MICU2: variants seen among roughly 807,000 people sequenced by gnomAD.
MICU2 encodes calcium uptake protein 2, mitochondrial.
A neutral mutation model predicts 60.4 loss-of-function variants in MICU2; 64 were observed. The observed-to-expected ratio is 1.06, with a 90% CI of 0.87 to 1.31. The LOEUF (loss-of-function observed/expected upper bound fraction) is 1.31. Among genes scored for constraint, MICU2 ranks in the 50% most tolerant of loss-of-function variants. The probability of loss-of-function intolerance (pLI) is 0.00; values close to 1 mark genes in which losing one functional copy is unlikely to be tolerated. For missense variants in MICU2, 569 were observed against 531.0 expected (o/e 1.07, Z -0.70); for synonymous variants, 201 against 175.0 (o/e 1.15, Z -1.17).
intron 9 of MICU2, among the ~76,000 whole-genome samples, chr13:21,500,823 T>C (rs1886133637): frequency 6.6e-6 from 1 of 152,184 alleles, no homozygotes; most frequent in African/African-American, 2.4e-5. Flanking sequence ...TGACTCTCAT[T>C]ATAATTTTTG....
intron 1 of MICU2, among the ~76,000 whole-genome samples, chr13:21,575,422 A>G (rs1186375688): frequency 3.2e-5 from 2 of 62,276 alleles, no homozygotes; most frequent in East Asian, 9.2e-4. Flanking sequence ...TCGAATGATT[A>G]AAAAAAAAAA....
chr13:21,586,101 T>C (rs1393789903), intron 1 of MICU2, among the ~76,000 whole-genome samples: 2 of 152,204 alleles, frequency 1.3e-5, no homozygotes, highest in African/African-American at 2.4e-5. Flanking sequence ...ATATTTATCA[T>C]AATTGTTGCA....
intron 7 of MICU2, among the ~76,000 whole-genome samples, chr13:21,510,333 T>A (rs1390142001): frequency 6.6e-6 from 1 of 152,194 alleles, no homozygotes; most frequent in African/African-American, 2.4e-5. Context: ...ATACTCAAGG[T>A]GGACTTCAGC....
chr13:21,603,849 G>A (rs1888885851), intron 1 of MICU2, 90 bp downstream of exon 1: 7 of 1,420,678 alleles, frequency 4.9e-6, no homozygotes, highest in South Asian at 2.5e-5. Context: ...GGCTCCGGGA[G>A]AGCCGCCCAG....
chr13:21,530,616 G>A (rs926058012), intron 4 of MICU2: 2 of 263,380 alleles, frequency 7.6e-6, no homozygotes, highest in African/African-American at 2.3e-5. Context: ...CTCCTTGATA[G>A]TTAGAAAGAT....
chr13:21,537,099 A>G (rs554329693), intron 4 of MICU2, among the ~76,000 whole-genome samples: 5 of 151,864 alleles, frequency 3.3e-5, no homozygotes, highest in Non-Finnish European at 5.9e-5. Context: ...TGAAAAGGGG[A>G]TTTTTTTCCC....
chr13:21,568,278 T>G (rs1888029580), intron 1 of MICU2, among the ~76,000 whole-genome samples: 1 of 152,170 alleles, frequency 6.6e-6, no homozygotes, highest in South Asian at 2.1e-4. Flanking sequence ...ATTAATTCTC[T>G]CTCTTAATTA....
At chr13:21,518,803 C>T (rs1338981842) in intron 6 of MICU2, among the ~76,000 whole-genome samples, 1 of 152,128 alleles carries the variant, frequency 6.6e-6, no homozygotes, top group African/African-American at 2.4e-5. Context: ...ATTTCAGGTC[C>T]CACTTGTGCA....
chr13:21,600,617 A>G (rs2138080564), intron 1 of MICU2, among the ~76,000 whole-genome samples: 1 of 152,264 alleles, frequency 6.6e-6, no homozygotes, highest in African/African-American at 2.4e-5. Flanking sequence ...GAAGGTTCCA[A>G]TTTATCTACT....
chr13:21,567,639 G>T (rs1888016787), intron 1 of MICU2, among the ~76,000 whole-genome samples: 1 of 152,218 alleles, frequency 6.6e-6, no homozygotes, highest in African/African-American at 2.4e-5. Context: ...TATGGTGGAA[G>T]AGTCTGCACC....
At chr13:21,530,925 T>C in intron 4 of MICU2, 1 of 762,538 alleles carries the variant, frequency 1.3e-6, no homozygotes, top group South Asian at 1.4e-5. Context: ...TGCTGCAGAA[T>C]GTTGGCCCCA....
At chr13:21,542,482 A>T (rs1001898080) in intron 2 of MICU2, among the ~76,000 whole-genome samples, 1 of 152,158 alleles carries the variant, frequency 6.6e-6, no homozygotes, top group Admixed American at 6.6e-5. Flanking sequence ...CTATTTCCAC[A>T]TTCACACAAA....
intron 4 of MICU2, among the ~76,000 whole-genome samples, chr13:21,525,372 T>C (rs193011670): frequency 2.6e-4 from 40 of 151,846 alleles, no homozygotes; most frequent in Non-Finnish European, 4.7e-4. Flanking sequence ...TTTTGTATTT[T>C]TAGTAGAGAC....
At chr13:21,497,058 T>C (rs1192503101) in intron 9 of MICU2, among the ~76,000 whole-genome samples, 2 of 151,134 alleles carry the variant, frequency 1.3e-5, no homozygotes, top group African/African-American at 4.9e-5. Context: ...CGAGACTCTG[T>C]CTCAAAAAAT....
chr13:21,543,228 C>G (rs1228141073), intron 2 of MICU2, among the ~76,000 whole-genome samples: 2 of 152,160 alleles, frequency 1.3e-5, no homozygotes, highest in Non-Finnish European at 2.9e-5. Flanking sequence ...CAGCTAACAT[C>G]ATACTACAAG....
chr13:21,568,489 C>T (rs867187270), intron 1 of MICU2, among the ~76,000 whole-genome samples: 10 of 152,230 alleles, frequency 6.6e-5, no homozygotes, highest in South Asian at 2.1e-4. Context: ...TAAGTCCACA[C>T]TTACCATCCC....
At chr13:21,515,377 C>A (rs560545708) in intron 6 of MICU2, among the ~76,000 whole-genome samples, 3 of 152,142 alleles carry the variant, frequency 2.0e-5, no homozygotes, top group Non-Finnish European at 4.4e-5. Flanking sequence ...CCACTGTGCC[C>A]GGCCTATAGT....
rs371772334 is a variant in MICU2 at position 21,554,191 on chromosome 13, A to G, written c.358+12606T>C. Among the ~76,000 whole-genome samples the G allele has an allele frequency of 5.3e-5, 8 of 152,322 alleles. No homozygotes were observed. The South Asian group carries it at 1.0e-3, about 20-fold the overall frequency. Reference sequence around the variant, plus strand: ...TCTGCACCAAGCGGACCTAATAGACATCTACAGAACTCTCCACCCCAAATC... The same window carrying G: ...TCTGCACCAAGCGGACCTAATAGACGTCTACAGAACTCTCCACCCCAAATC... On this transcript the variant is annotated intron_variant, in intron 2 of 11. Transcript: ENST00000382374.
At chr13:21,512,984 T>C (rs1886470321) in intron 7 of MICU2, among the ~76,000 whole-genome samples, 1 of 152,202 alleles carries the variant, frequency 6.6e-6, no homozygotes, top group Non-Finnish European at 1.5e-5. Context: ...CCTTAGTTTC[T>C]GAAAATTGTG....
Sources: gnomAD v4.1 joint callset for allele counts (sites outside exome capture counted in the v4.1 genomes callset) on GRCh38, gnomAD v4.1.1 for gene constraint, MANE v1.5 for transcripts, NCBI Gene and HGNC (gene_info 2026-07-23, HGNC 2026-07-21) for gene names.